SLC25A21: variants seen among roughly 807,000 people sequenced by gnomAD.
SLC25A21 encodes mitochondrial 2-oxodicarboxylate carrier.
Under a neutral mutation model 43.8 loss-of-function variants are expected in SLC25A21, and 47 were observed. The ratio of observed to expected loss-of-function variants is 1.07; its 90% CI spans 0.85 to 1.37. The LOEUF is 1.37. Among genes scored for constraint, SLC25A21 ranks in the 40% most tolerant of loss-of-function variants. SLC25A21 has a pLI of 0.00. For missense variants in SLC25A21, 352 were observed against 350.2 expected, an observed-to-expected ratio of 1.00 and a Z score of -0.04; for synonymous variants, 131 against 121.3, an observed-to-expected ratio of 1.08 and a Z score of -0.52.
chr14:36,956,852 T>G (rs1445900412), intron 1 of SLC25A21, among the ~76,000 whole-genome samples: 2 of 152,344 alleles, frequency 1.3e-5, no homozygotes, highest in East Asian at 1.9e-4. Context: ...ATACATTCAT[T>G]TATACATCAT....
At chr14:36,745,378 C>T (rs1048679239) in intron 3 of SLC25A21, among the ~76,000 whole-genome samples, 1 of 152,068 alleles carries the variant, frequency 6.6e-6, no homozygotes, top group African/African-American at 2.4e-5. Context: ...ATGGCTGGGT[C>T]AAATGGTATT....
At chr14:36,909,784 T>A (rs1035166395) in intron 1 of SLC25A21, among the ~76,000 whole-genome samples, 2 of 152,172 alleles carry the variant, frequency 1.3e-5, no homozygotes, top group African/African-American at 4.8e-5. Flanking sequence ...TAAATTTTTA[T>A]CAAACAAATG....
At chr14:37,012,814 A>C (rs1960761362) in intron 1 of SLC25A21, among the ~76,000 whole-genome samples, 1 of 152,206 alleles carries the variant, frequency 6.6e-6, no homozygotes, top group Admixed American at 6.5e-5. Flanking sequence ...AAGAATCACC[A>C]CAAAGAATCC....
chr14:37,022,432 A>G (rs1232252674), intron 1 of SLC25A21, among the ~76,000 whole-genome samples: 1 of 151,936 alleles, frequency 6.6e-6, no homozygotes, highest in African/African-American at 2.4e-5. Flanking sequence ...CCCCAACCCA[A>G]TTGTTTCTGA....
intron 3 of SLC25A21, among the ~76,000 whole-genome samples, chr14:36,739,658 C>G (rs977345257): frequency 7.2e-6 from 1 of 138,942 alleles, no homozygotes; most frequent in African/African-American, 2.7e-5. Context: ...AGCCTGGCAA[C>G]AGAGCAAGAC....
At chr14:37,100,792 T>C (rs1343602375) in intron 1 of SLC25A21, among the ~76,000 whole-genome samples, 1 of 152,210 alleles carries the variant, frequency 6.6e-6, no homozygotes, top group Non-Finnish European at 1.5e-5. Context: ...CTGGGCAATT[T>C]ACTTAACCTC....
At chr14:36,759,125 CA>C (rs1886045569) in intron 3 of SLC25A21, among the ~76,000 whole-genome samples, 1 of 152,190 alleles carries the variant, frequency 6.6e-6, no homozygotes, top group African/African-American at 2.4e-5. Flanking sequence ...CCCTAATGCA[CA>C]ACTCTTGTAG....
In SLC25A21 at chr14:36,819,386, A is replaced by AT. The variant is rs367924638; in HGVS notation, c.120-5386dup. Among the ~76,000 whole-genome samples the AT allele has an allele frequency of 2.9e-3, 434 of 150,404 alleles. 1 individual carries two copies. Among genetic ancestry groups the AT allele is most frequent in the African/African-American group, 8.6e-3 (351 of 41,026 alleles). On this transcript the variant is annotated intron_variant, in intron 2 of 9. Transcript: ENST00000331299. ...AAAAAATGTTTGCACTAATTGAAGC[A>AT]TTTTTTTTTTCTAAATTAGCTGAGA...
At chr14:37,004,789 C>G (rs1036176637) in intron 1 of SLC25A21, among the ~76,000 whole-genome samples, 3 of 143,216 alleles carry the variant, frequency 2.1e-5, no homozygotes, top group Non-Finnish European at 4.6e-5. Context: ...TGGTAGGGGG[C>G]AGAGCCGAGA....
At chr14:36,687,520 C>A (rs533927203) in intron 7 of SLC25A21, among the ~76,000 whole-genome samples, 1 of 152,280 alleles carries the variant, frequency 6.6e-6, no homozygotes, top group Non-Finnish European at 1.5e-5. Context: ...AGTTGCTACC[C>A]CTGTGGGCAT....
At position 36,896,468 on chromosome 14, in the gene SLC25A21, T is replaced by C. The variant is rs113275641; in HGVS notation, c.71-21464A>G. The stretch of plus-strand genomic sequence containing the variant: ...TGAGATGGGTTTCCTGAATACAGCA[T>C]ACTGATGGGTCTTGACTCTTTATCC... On this transcript the variant is annotated intron_variant, in intron 1 of 9. Coordinates refer to ENST00000331299, the MANE Select transcript of SLC25A21 (RefSeq NM_030631.4). Among the ~76,000 whole-genome samples the C allele has an allele frequency of 2.7e-3, 418 of 152,294 alleles. 4 individuals are homozygous for C. The highest frequency in any genetic ancestry group is 9.3e-3 in the African/African-American group (386 of 41,564).
chr14:37,040,808 T>G (rs911281998), intron 1 of SLC25A21, among the ~76,000 whole-genome samples: 3 of 151,714 alleles, frequency 2.0e-5, no homozygotes, highest in Admixed American at 1.3e-4. Context: ...TAAAAGTGAT[T>G]GATAAATGTG....
chr14:36,962,277 A>T (rs1012489634), intron 1 of SLC25A21, among the ~76,000 whole-genome samples: 47 of 152,336 alleles, frequency 3.1e-4, no homozygotes, highest in African/African-American at 1.1e-3. Context: ...AATAGTTACT[A>T]CGGTGAAGCA....
chr14:36,781,459 T>C (rs1887058702), intron 3 of SLC25A21, among the ~76,000 whole-genome samples: 2 of 150,718 alleles, frequency 1.3e-5, no homozygotes, highest in Non-Finnish European at 2.9e-5. Flanking sequence ...GTGGTATGTG[T>C]TGATTTCTTT....
At chr14:37,049,855 A>C (rs772450691) in intron 1 of SLC25A21, among the ~76,000 whole-genome samples, 6 of 152,250 alleles carry the variant, frequency 3.9e-5, no homozygotes, top group Non-Finnish European at 7.3e-5. Context: ...AGTATTCAAA[A>C]TCTGGCATGT....
intron 4 of SLC25A21, among the ~76,000 whole-genome samples, chr14:36,733,649 C>T (rs908514469): frequency 9.2e-5 from 14 of 152,020 alleles, no homozygotes; most frequent in African/African-American, 2.9e-4. Flanking sequence ...ACATTTCACA[C>T]ACATGAGTAA....
intron 2 of SLC25A21, among the ~76,000 whole-genome samples, chr14:36,837,407 C>T (rs766562632): frequency 6.6e-6 from 1 of 151,944 alleles, no homozygotes; most frequent in Non-Finnish European, 1.5e-5. Flanking sequence ...CAGGGCAAGA[C>T]CAAGCAGAGG....
intron 6 of SLC25A21, among the ~76,000 whole-genome samples, chr14:36,714,014 A>C (rs1251536155): frequency 1.3e-5 from 2 of 152,110 alleles, no homozygotes; most frequent in African/African-American, 4.8e-5. Context: ...CTATCTCAAA[A>C]CAAAAAAAGA....
chr14:36,689,405 G>A (rs1481278161), intron 7 of SLC25A21, among the ~76,000 whole-genome samples: 1 of 150,486 alleles, frequency 6.6e-6, no homozygotes, highest in African/African-American at 2.4e-5. Context: ...GTGTAGATGA[G>A]CTTTCCTGGG....
Sources: allele counts gnomAD v4.1 joint callset (sites outside exome capture counted in the v4.1 genomes callset), GRCh38; gene constraint gnomAD v4.1.1; transcripts MANE v1.5; gene names NCBI Gene and HGNC (gene_info 2026-07-23, HGNC 2026-07-21).